Variants in STK39 observed in about 807,000 individuals in gnomAD.
The protein encoded by STK39 is serine/threonine kinase 39, also known as STE20/SPS1-related proline-alanine-rich protein kinase.
STK39 carries 20 observed loss-of-function variants against 77.8 expected under a neutral mutation model. The observed-to-expected ratio is 0.26, with a 90% CI of 0.18 to 0.37. STK39 has a LOEUF of 0.37. STK39 is among the 10% of genes least tolerant of loss of function. The pLI, the probability that STK39 is intolerant of heterozygous loss-of-function variation, is 1.00. For synonymous variants in STK39, 246 were observed against 234.1 expected (o/e 1.05, Z -0.47); for missense variants, 479 against 656.5 (o/e 0.73, Z 2.95).
chr2:168,214,610 T>C (rs2063964), intron 1 of STK39, among the ~76,000 whole-genome samples: 149,010 of 152,300 alleles, frequency 0.98, 72,975 homozygotes, highest in East Asian at 1. Flanking sequence ...TAATCTTAAA[T>C]GGATAATTTT....
At chr2:168,121,354 G>T (rs1687400408) in intron 10 of STK39, among the ~76,000 whole-genome samples, 1 of 152,192 alleles carries the variant, frequency 6.6e-6, no homozygotes, top group African/African-American at 2.4e-5. Flanking sequence ...TGATCTGAAA[G>T]CTGTGAAAGA....
Position 168,167,255 on chromosome 2 carries a change from GA to G in STK39, c.430+43del. On this transcript the variant is annotated intron_variant, in intron 3 of 17. Coordinates refer to ENST00000355999, the MANE Select transcript of STK39 (RefSeq NM_013233.3). ...TCCAATATGCTGGTTCCAACAAAAGGAGAGAAAACAAGCAAATAAATAACAA... is the reference window on the plus strand; with the variant it reads ...TCCAATATGCTGGTTCCAACAAAAGGGAGAAAACAAGCAAATAAATAACAA... The G allele has an allele frequency of 2.0e-6, 3 of 1,513,182 alleles. No individual in the cohort carries two copies. In the East Asian group the frequency reaches 6.8e-5, roughly 34 times the overall value. The allele number at this position is 1,513,182 out of a possible 1,614,324, so 93.7% of individuals were successfully genotyped here.
chr2:168,073,310 C>T lies in STK39; in HGVS notation c.1242+1672G>A, dbSNP rs3769416. Among the ~76,000 whole-genome samples, 398 of 152,302 alleles carry T rather than the reference C, an allele frequency of 2.6e-3. 19 individuals carry two copies. In the East Asian group the frequency reaches 0.068, roughly 26 times the overall value. On this transcript the variant is annotated intron_variant, in intron 12 of 17. Transcript: ENST00000355999. Reference sequence around the variant, plus strand: ...TCAGCCTTACTAGCAAGGCAGGATCCAATGGATATCGTCCAATGAAGATTT... The same window carrying T: ...TCAGCCTTACTAGCAAGGCAGGATCTAATGGATATCGTCCAATGAAGATTT...
chr2:168,132,709 G>A (rs938972360), intron 8 of STK39, among the ~76,000 whole-genome samples: 1 of 152,096 alleles, frequency 6.6e-6, no homozygotes, highest in African/African-American at 2.4e-5. Flanking sequence ...GCTCCCTAGT[G>A]GCACTCATGC....
At chr2:167,989,946 A>C (rs1683656043) in intron 16 of STK39, among the ~76,000 whole-genome samples, 1 of 152,118 alleles carries the variant, frequency 6.6e-6, no homozygotes, top group Non-Finnish European at 1.5e-5. Context: ...GTAGATTAAA[A>C]TTTCCAGTTG....
chr2:168,203,305 AT>A (rs1689658614), intron 1 of STK39, among the ~76,000 whole-genome samples: 1 of 152,182 alleles, frequency 6.6e-6, no homozygotes, highest in African/African-American at 2.4e-5. Flanking sequence ...CTTTCGACCC[AT>A]TAAGGTCCTG....
At chr2:168,147,497 G>A (rs867504178) in intron 5 of STK39, among the ~76,000 whole-genome samples, 2 of 152,190 alleles carry the variant, frequency 1.3e-5, no homozygotes, top group African/African-American at 4.8e-5. Context: ...ACTAAAGAGA[G>A]CATTTTTTTT....
At chr2:167,997,642 T>C (rs1184120803) in intron 16 of STK39, among the ~76,000 whole-genome samples, 2 of 152,198 alleles carry the variant, frequency 1.3e-5, no homozygotes, top group Admixed American at 6.5e-5. Flanking sequence ...CTACATCACA[T>C]AGCTCTACAG....
chr2:168,084,190 G>A (rs374655594), intron 10 of STK39, among the ~76,000 whole-genome samples: 3 of 152,170 alleles, frequency 2.0e-5, no homozygotes, highest in East Asian at 1.9e-4. Flanking sequence ...ATGGTGGGGG[G>A]AAGGGAGAAT....
intron 1 of STK39, among the ~76,000 whole-genome samples, chr2:168,201,062 C>T (rs957409721): frequency 2.0e-5 from 3 of 152,154 alleles, no homozygotes; most frequent in Admixed American, 1.3e-4. Context: ...TAAATTCAAC[C>T]GACAGGACTT....
At chr2:168,174,354 GTTAT>G (rs1688903621) in intron 2 of STK39, among the ~76,000 whole-genome samples, 4 of 152,214 alleles carry the variant, frequency 2.6e-5, no homozygotes, top group Admixed American at 2.6e-4. Flanking sequence ...TACTTGCTTC[GTTAT>G]AATGTCATGA....
chr2:167,979,272 T>C lies in STK39; in HGVS notation c.1499-14546A>G, dbSNP rs146391552. ...GCCAAAATGTTTTCCAGAGTGATTG[T>C]ACCATTTTTACATTCCCACCGGCAG... is the stretch of plus-strand genomic sequence containing the variant. On this transcript the variant is annotated intron_variant, in intron 16 of 17. Coordinates refer to ENST00000355999, the MANE Select transcript of STK39 (RefSeq NM_013233.3). Among the ~76,000 whole-genome samples the C allele has an allele frequency of 3.5e-3, 536 of 152,354 alleles. 5 individuals are homozygous for C. Among genetic ancestry groups the C allele is most frequent in the African/African-American group, 0.012 (512 of 41,586 alleles).
chr2:168,067,695 G>A (rs189399549), intron 12 of STK39, among the ~76,000 whole-genome samples: 17 of 152,090 alleles, frequency 1.1e-4, no homozygotes, highest in Non-Finnish European at 2.1e-4. Context: ...ATGGGATTAG[G>A]GCATGGTCTT....
intron 2 of STK39, among the ~76,000 whole-genome samples, chr2:168,171,814 T>C (rs556129775): frequency 6.6e-6 from 1 of 151,992 alleles, no homozygotes; most frequent in South Asian, 2.1e-4. Flanking sequence ...AGAGATTTTC[T>C]CATATTGCTA....
At chr2:168,176,854 A>G (rs1036583322) in intron 2 of STK39, among the ~76,000 whole-genome samples, 1 of 152,228 alleles carries the variant, frequency 6.6e-6, no homozygotes, top group East Asian at 1.9e-4. Flanking sequence ...ACTTGACTCT[A>G]TCCTGAATTA....
intron 16 of STK39, among the ~76,000 whole-genome samples, chr2:168,009,247 C>T (rs1684208515): frequency 6.6e-6 from 1 of 151,764 alleles, no homozygotes; most frequent in South Asian, 2.1e-4. Context: ...GCTGGTGGGA[C>T]ATATCTAGTA....
intron 10 of STK39, among the ~76,000 whole-genome samples, chr2:168,086,375 AG>A (rs986276343): frequency 6.6e-6 from 1 of 152,262 alleles, no homozygotes; most frequent in African/African-American, 2.4e-5. Flanking sequence ...ATTTACCAAG[AG>A]GAAAAATGCC....
intron 1 of STK39, among the ~76,000 whole-genome samples, chr2:168,213,523 A>G (rs1257781227): frequency 6.6e-6 from 1 of 151,986 alleles, no homozygotes; most frequent in Non-Finnish European, 1.5e-5. Context: ...CTGTCTCTAC[A>G]AAAAACAAAA....
intron 2 of STK39, among the ~76,000 whole-genome samples, chr2:168,170,775 G>A (rs979816936): frequency 6.6e-6 from 1 of 152,186 alleles, no homozygotes; most frequent in Non-Finnish European, 1.5e-5. Context: ...GCCTGGCTGA[G>A]TCTAACTGGA....
Sources: allele counts gnomAD v4.1 joint callset (sites outside exome capture counted in the v4.1 genomes callset), GRCh38; gene constraint gnomAD v4.1.1; transcripts MANE v1.5; gene names NCBI Gene and HGNC (gene_info 2026-07-23, HGNC 2026-07-21).